Variants in SLC5A7 observed in about 807,000 individuals in gnomAD.
The protein encoded by SLC5A7 is high affinity choline transporter 1.
Under a neutral mutation model 55.4 loss-of-function variants are expected in SLC5A7, and 19 were observed. The observed-to-expected ratio is 0.34, with a 90% confidence interval of 0.24 to 0.50. The LOEUF (loss-of-function observed/expected upper bound fraction) is 0.50, where lower values mean the gene tolerates loss of function less well. Ranked by LOEUF, SLC5A7 falls within the 20% of genes least tolerant of loss-of-function variation. The pLI, the probability that SLC5A7 is intolerant of heterozygous loss-of-function variation, is 0.98. For synonymous variants in SLC5A7, 265 were observed against 263.7 expected (o/e 1.00, Z -0.05); for missense variants, 506 against 705.3 (o/e 0.72, Z 3.20).
At chr2:107,991,814 A>G (rs140044708) in intron 2 of SLC5A7, among the ~76,000 whole-genome samples, 10 of 152,318 alleles carry the variant, frequency 6.6e-5, no homozygotes, top group African/African-American at 2.2e-4. Flanking sequence ...TGAGCCACAA[A>G]CATAATGTTA....
At chr2:108,004,805 C>T (rs1678041604) in intron 6 of SLC5A7, among the ~76,000 whole-genome samples, 1 of 152,146 alleles carries the variant, frequency 6.6e-6, no homozygotes, top group African/African-American at 2.4e-5. Context: ...TGTGGAAATG[C>T]TCTCAAAGCC....
Position 108,012,681 on chromosome 2 carries a change from T to A in SLC5A7, c.*1820T>A, listed in dbSNP as rs1395675585. 1 of 152,158 alleles carries A rather than the reference T, an allele frequency of 6.6e-6. No individual in the cohort carries two copies. Among genetic ancestry groups the A allele is most frequent in the Non-Finnish European group, 1.5e-5 (1 of 68,026 alleles). 9.4% of individuals were successfully genotyped at this position (152,158 alleles called of 1,614,324 possible). A position where few individuals can be genotyped will look rare whatever the true frequency, so the allele number is the denominator to read the frequency against. On this transcript the variant is annotated 3_prime_UTR_variant, in exon 9 of 9. Coordinates refer to ENST00000264047, the MANE Select transcript of SLC5A7 (RefSeq NM_021815.5). ...ATGAAAAGAGAATTACTTATATTCA[T>A]CTATTTTCTCAGAATCTATTCAGTA...
At position 107,992,233 on chromosome 2, in the gene SLC5A7, C is replaced by T. The variant is rs1677478737; in HGVS notation, c.292+14C>T. ...GTCTGATTTTAGGTAAGTGAAAGTG[C>T]AAATCTCAGTGACTCACTCAGTAAA... is the stretch of plus-strand genomic sequence containing the variant. On this transcript the variant is annotated intron_variant, in intron 3 of 8. Transcript: ENST00000264047. 1 of 1,502,874 alleles carries T rather than the reference C, an allele frequency of 6.7e-7. No homozygotes were observed. Among genetic ancestry groups the T allele is most frequent in the East Asian group, 2.3e-5 (1 of 44,230 alleles). The allele number at this position is 1,502,874 out of a possible 1,614,324, so 93.1% of individuals were successfully genotyped here. A position where few individuals can be genotyped will look rare whatever the true frequency, so the allele number is the denominator to read the frequency against.
At chr2:108,004,179 T>C (rs1678020385) in intron 6 of SLC5A7, among the ~76,000 whole-genome samples, 2 of 152,216 alleles carry the variant, frequency 1.3e-5, no homozygotes, top group Admixed American at 1.3e-4. Context: ...AGTCAGACTT[T>C]ACCCTACTTA....
intron 6 of SLC5A7, among the ~76,000 whole-genome samples, chr2:108,004,954 T>C (rs1217329366): frequency 3.3e-5 from 5 of 152,218 alleles, no homozygotes; most frequent in African/African-American, 1.2e-4. Flanking sequence ...CTTTATATCA[T>C]GCAACAAATT....
rs145406516 is a variant in SLC5A7 at position 108,012,164 on chromosome 2, C to CGTGT, written c.*1314_*1317dup. On this transcript the variant is annotated 3_prime_UTR_variant, in exon 9 of 9. Coordinates refer to ENST00000264047, the MANE Select transcript of SLC5A7 (RefSeq NM_021815.5). ...CTGGTGTTACACATACACACTCATA[C>CGTGT]GTGTGTGTGTGTGTATGTGTGTGTG... The CGTGT allele has an allele frequency of 6.6e-6, 1 of 151,644 alleles. No homozygotes were observed. Among genetic ancestry groups the CGTGT allele is most frequent in the Non-Finnish European group, 1.5e-5 (1 of 67,714 alleles). 9.4% of individuals were successfully genotyped at this position (151,644 alleles called of 1,614,324 possible). A position where few individuals can be genotyped will look rare whatever the true frequency, so the allele number is the denominator to read the frequency against.
chr2:107,989,914 G>A (rs1044753176), intron 2 of SLC5A7, among the ~76,000 whole-genome samples: 1 of 151,790 alleles, frequency 6.6e-6, no homozygotes. Context: ...GCTATTAAAA[G>A]GTACGGAAAA....
In SLC5A7 at chr2:108,010,546, A is replaced by G; in HGVS notation, c.1428A>G (p.Lys476=). ...ATGATAATGGTATATATAATCAGAAATTTCCATTTAAAACACTTGCCATGG... is the reference window on the plus strand; with the variant it reads ...ATGATAATGGTATATATAATCAGAAGTTTCCATTTAAAACACTTGCCATGG... ...YPDDNGIYNQ[K]FPFKTLAMVT... The change falls in exon 9 of 9, where the codon AAA becomes AAG. Residue 476 remains lysine (K), a synonymous_variant. Transcript: ENST00000264047. 6.2e-7 allele frequency: 1 copy of G among 1,613,754 alleles called. No individual in the cohort carries two copies. Among genetic ancestry groups the G allele is most frequent in the South Asian group, 1.1e-5 (1 of 91,042 alleles).
At chr2:108,006,328 G>T in intron 7 of SLC5A7, 126 bp downstream of exon 7, 1 of 936,762 alleles carries the variant, frequency 1.1e-6, no homozygotes, top group Non-Finnish European at 1.6e-6. Flanking sequence ...CATATCTATA[G>T]ATTTGTTATA....
intron 5 of SLC5A7, among the ~76,000 whole-genome samples, chr2:107,999,473 T>A (rs1461618261): frequency 2.0e-5 from 3 of 152,212 alleles, no homozygotes; most frequent in Non-Finnish European, 4.4e-5. Context: ...AAATCAAGTA[T>A]GCAAGTGTAA....
In SLC5A7 at chr2:108,010,280, T is replaced by C. The variant is rs1678267560; in HGVS notation, c.1162T>C (p.Phe388Leu). 2 of 1,613,768 alleles carry C rather than the reference T, an allele frequency of 1.2e-6. No homozygotes were observed. The highest frequency in any genetic ancestry group is 8.5e-7 in the Non-Finnish European group (1 of 1,179,900). ...GGTTATGCGAATCACAGTGTTTGTG[T>C]TTGGAGCATCTGCAACAGCCATGGC... ...VWVMRITVFV[F>L]GASATAMALL... The change falls in exon 9 of 9, where the codon TTT (phenylalanine) becomes CTT (leucine). Residue 388 changes from phenylalanine (F) to leucine (L), a missense_variant. Transcript: ENST00000264047.
chr2:107,996,727 AG>A (rs1454947295), intron 4 of SLC5A7, among the ~76,000 whole-genome samples: 4 of 152,246 alleles, frequency 2.6e-5, no homozygotes, highest in Non-Finnish European at 5.9e-5. Flanking sequence ...GTGGAAATAT[AG>A]GGACCAACAA....
rs71309338 is a variant in SLC5A7 at position 108,001,672 on chromosome 2, C to CAA, written c.598-209_598-208dup. Among the ~76,000 whole-genome samples, 6,136 of 74,814 alleles carry CAA rather than the reference C, an allele frequency of 0.082. 270 individuals are homozygous for CAA. Among genetic ancestry groups the CAA allele is most frequent in the Non-Finnish European group, 0.11 (4,636 of 40,836 alleles). 49.1% of individuals were successfully genotyped at this position (74,814 alleles called of 152,430 possible). A position where few individuals can be genotyped will look rare whatever the true frequency, so the allele number is the denominator to read the frequency against. On this transcript the variant is annotated intron_variant, in intron 5 of 8. Transcript: ENST00000264047. ...TGGGCGACAGAGCGAGACTCCGTCT[C>CAA]AAAAAAAAAAAAAAAAAGAAAAGAA...
chr2:108,010,436 G>A lies in SLC5A7; in HGVS notation c.1318G>A (p.Val440Ile). ...TNTYGAVAGY[V>I]SGLFLRITGG... ...CACCTATGGGGCCGTGGCAGGTTAT[G>A]TTTCTGGCCTCTTCCTGAGAATAAC... The change falls in exon 9 of 9, where the codon GTT becomes ATT. Residue 440 changes from valine to isoleucine, a missense_variant. Val to Ile is a conservative substitution (Grantham distance 29, BLOSUM62 3). Transcript: ENST00000264047. 2 of 1,613,878 alleles carry A rather than the reference G, an allele frequency of 1.2e-6. No individual in the cohort carries two copies. The highest frequency in any genetic ancestry group is 1.1e-5 in the South Asian group (1 of 91,078).
chr2:107,999,677 TTCTTTTCTCAAATTC>T, intron 5 of SLC5A7, among the ~76,000 whole-genome samples: 1 of 152,288 alleles, frequency 6.6e-6, no homozygotes, highest in East Asian at 1.9e-4. Context: ...TTAGACCACC[TTCTTTTCTCAAATTC>T]TCTAATGTCA....
intron 4 of SLC5A7, among the ~76,000 whole-genome samples, chr2:107,995,627 A>G (rs1677644467): frequency 6.6e-6 from 1 of 152,168 alleles, no homozygotes; most frequent in Non-Finnish European, 1.5e-5. Flanking sequence ...TACACAAATA[A>G]AAAGTAATAG....
chr2:108,002,811 A>C (rs113110214), intron 6 of SLC5A7, among the ~76,000 whole-genome samples: 4,211 of 152,206 alleles, frequency 0.028, 193 homozygotes, highest in African/African-American at 0.095. Flanking sequence ...TGAGGCCAGG[A>C]GTTTGAGAAC....
intron 5 of SLC5A7, among the ~76,000 whole-genome samples, chr2:108,001,203 TTATG>T (rs1242223324): frequency 6.8e-6 from 1 of 147,918 alleles, no homozygotes; most frequent in African/African-American, 2.6e-5. Context: ...ACGTATCTAT[TTATG>T]TATGTGTGTG....
In SLC5A7 at chr2:108,010,814, G is replaced by A. The variant is rs1391073365; in HGVS notation, c.1696G>A (p.Val566Ile). The A allele has an allele frequency of 6.2e-7, 1 of 1,610,906 alleles. No homozygotes were observed. The highest frequency in any genetic ancestry group is 8.5e-7 in the Non-Finnish European group (1 of 1,179,256). Reference protein sequence around the residue: ...TFTNKEAFLDVDSSPEGSGTE... With the variant: ...TFTNKEAFLDIDSSPEGSGTE... ...CACCAATAAAGAGGCCTTCCTTGAT[G>A]TTGATTCCAGTCCAGAAGGGTCTGG... Residue 566 changes from valine to isoleucine, a missense_variant, in exon 9 of 9, where the codon GTT becomes ATT. Coordinates refer to ENST00000264047, the MANE Select transcript of SLC5A7 (RefSeq NM_021815.5).
Sources: allele counts gnomAD v4.1 joint callset (sites outside exome capture counted in the v4.1 genomes callset), GRCh38; gene constraint gnomAD v4.1.1; transcripts MANE v1.5; gene names NCBI Gene and HGNC (gene_info 2026-07-23, HGNC 2026-07-21).